Variants in ATP6V0C observed in about 807,000 individuals in gnomAD.
ATP6V0C encodes ATPase H+ transporting V0 subunit c.
A neutral mutation model predicts 10.6 loss-of-function variants in ATP6V0C; 2 were observed. The ratio of observed to expected loss-of-function variants is 0.19; its 90% confidence interval spans 0.08 to 0.59. The LOEUF is 0.59. Among genes scored for constraint, ATP6V0C ranks in the 20% least tolerant of loss-of-function variants. The probability of loss-of-function intolerance (pLI) is 0.90; values close to 1 mark genes in which losing one functional copy is unlikely to be tolerated. For synonymous variants in ATP6V0C, 128 were observed against 101.3 expected (o/e 1.26, Z -1.59); for missense variants, 89 against 225.9 (o/e 0.39, Z 3.88).
Position 2,514,084 on chromosome 16 carries a change from C to T in ATP6V0C, c.-20C>T, listed in dbSNP as rs11546343. On this transcript the variant is annotated 5_prime_UTR_variant, in exon 1 of 3. Transcript: ENST00000330398. ...CCACCGCCTCGGCCCGCAGAGCTTG[C>T]CCCCTCCCCACCCGCAGACATGTCC... 1 of 1,561,018 alleles carries T rather than the reference C, an allele frequency of 6.4e-7. No homozygotes were observed. The highest frequency in any genetic ancestry group is 8.7e-7 in the Non-Finnish European group (1 of 1,154,384).
chr16:2,516,332 C>T (rs116607590), intron 1 of ATP6V0C, among the ~76,000 whole-genome samples: 2 of 152,146 alleles, frequency 1.3e-5, no homozygotes, highest in African/African-American at 4.8e-5. Flanking sequence ...TGGTCTCAAA[C>T]TCCTTGTTGC....
intron 1 of ATP6V0C, among the ~76,000 whole-genome samples, chr16:2,514,872 G>A (rs1291989307): frequency 3.9e-5 from 6 of 152,196 alleles, no homozygotes; most frequent in Admixed American, 1.3e-4. Context: ...GAAGTGGAGG[G>A]AGCGGGGAGA....
intron 1 of ATP6V0C, among the ~76,000 whole-genome samples, chr16:2,514,700 C>T (rs1038227238): frequency 2.0e-5 from 3 of 152,106 alleles, no homozygotes; most frequent in Admixed American, 2.0e-4. Context: ...GCCCTTATGG[C>T]GGCCGGCCCC....
In ATP6V0C at chr16:2,520,183, G is replaced by T. The variant is rs1414745886; in HGVS notation, c.*438G>T. 4.8e-5 allele frequency: 25 copies of T among 520,812 alleles called. No homozygotes were observed. The highest frequency in any genetic ancestry group is 6.0e-5 in the Non-Finnish European group (17 of 282,654). 32.3% of individuals were successfully genotyped at this position (520,812 alleles called of 1,614,324 possible). A position where few individuals can be genotyped will look rare whatever the true frequency, so the allele number is the denominator to read the frequency against. On this transcript the variant is annotated 3_prime_UTR_variant, in exon 3 of 3. Coordinates refer to ENST00000330398, the MANE Select transcript of ATP6V0C (RefSeq NM_001694.4). ...CCCTCACCGCCGGGCCCGTGGCCCTGCGCGGAGCTGTGTCCAATAAAGTTC... is the reference window on the plus strand; with the variant it reads ...CCCTCACCGCCGGGCCCGTGGCCCTTCGCGGAGCTGTGTCCAATAAAGTTC...
chr16:2,516,328 C>G (rs574425549), intron 1 of ATP6V0C, among the ~76,000 whole-genome samples: 2 of 152,136 alleles, frequency 1.3e-5, no homozygotes, highest in South Asian at 4.1e-4. Context: ...AGGCTGGTCT[C>G]AAACTCCTTG....
In ATP6V0C at chr16:2,513,971, T is replaced by C. The variant is rs1191180444; in HGVS notation, c.-133T>C. Reference sequence around the variant, plus strand: ...CATTTTGTTCTGCGGTGCTGGTATTTAGAGCGCAGCGGCTGACGGGCCGGA... The same window carrying C: ...CATTTTGTTCTGCGGTGCTGGTATTCAGAGCGCAGCGGCTGACGGGCCGGA... On this transcript the variant is annotated 5_prime_UTR_variant, in exon 1 of 3. Transcript: ENST00000330398. 18 of 776,188 alleles carry C rather than the reference T, an allele frequency of 2.3e-5. No homozygotes were observed. Among genetic ancestry groups the C allele is most frequent in the Non-Finnish European group, 3.6e-5 (18 of 495,690 alleles). 48.1% of individuals were successfully genotyped at this position (776,188 alleles called of 1,614,324 possible). A position where few individuals can be genotyped will look rare whatever the true frequency, so the allele number is the denominator to read the frequency against.
intron 1 of ATP6V0C, among the ~76,000 whole-genome samples, chr16:2,515,754 A>G (rs1300600666): frequency 2.6e-5 from 4 of 152,122 alleles, no homozygotes; most frequent in East Asian, 3.9e-4. Context: ...CATCCAAACA[A>G]TCTTGATTGA....
At chr16:2,519,007 G>A (rs2065892898) in intron 1 of ATP6V0C, 2 of 546,056 alleles carry the variant, frequency 3.7e-6, no homozygotes, top group Non-Finnish European at 6.4e-6. Context: ...CTCACGTAGA[G>A]GAAGGAGGAG....
At chr16:2,514,204 A>T in intron 1 of ATP6V0C, 22 bp downstream of exon 1, 1 of 1,530,576 alleles carries the variant, frequency 6.5e-7, no homozygotes, top group Non-Finnish European at 8.8e-7. Context: ...GGCGGGAGGG[A>T]CTCGGGGGCG....
Position 2,513,993 on chromosome 16 carries a change from C to G in ATP6V0C, c.-111C>G. 1.0e-6 allele frequency: 1 copy of G among 957,962 alleles called. No homozygotes were observed. The highest frequency in any genetic ancestry group is 1.5e-6 in the Non-Finnish European group (1 of 652,890). The allele number at this position is 957,962 out of a possible 1,614,324, so 59.3% of individuals were successfully genotyped here. A position where few individuals can be genotyped will look rare whatever the true frequency, so the allele number is the denominator to read the frequency against. ...ATTTAGAGCGCAGCGGCTGACGGGC[C>G]GGATCGCCTTCGCCGCCGCCCGCCC... On this transcript the variant is annotated 5_prime_UTR_variant, in exon 1 of 3. Coordinates refer to ENST00000330398, the MANE Select transcript of ATP6V0C (RefSeq NM_001694.4).
rs780332694 is a variant in ATP6V0C, at chr16:2,519,747, C to A, written c.*2C>A. Reference sequence around the variant, plus strand: ...GCCCTCATCCTCTCCACAAAGTAGACCCTCTCCGAGCCCACCAGCCACAGA... The same window carrying A: ...GCCCTCATCCTCTCCACAAAGTAGAACCTCTCCGAGCCCACCAGCCACAGA... On this transcript the variant is annotated 3_prime_UTR_variant, in exon 3 of 3. Transcript: ENST00000330398. 25 of 1,594,806 alleles carry A rather than the reference C, an allele frequency of 1.6e-5. 1 individual carries two copies. The South Asian group carries it at 2.7e-4, about 17-fold the overall frequency.
At chr16:2,519,096 G>A in intron 1 of ATP6V0C, 122 bp from the exon 2 acceptor site, 3 of 1,197,834 alleles carry the variant, frequency 2.5e-6, no homozygotes, top group Non-Finnish European at 2.2e-6. Flanking sequence ...GCCTTCTTCG[G>A]CTCCCCCTCT....
At chr16:2,513,858 G>T, upstream of ATP6V0C, 1 of 368,990 alleles carries the variant, frequency 2.7e-6, no homozygotes, top group Non-Finnish European at 5.0e-6. Flanking sequence ...GGGCCGGCCG[G>T]GCGTCCCGGG....
rs1312541709 is a variant in ATP6V0C at position 2,520,019 on chromosome 16, C to G, written c.*274C>G. On this transcript the variant is annotated 3_prime_UTR_variant, in exon 3 of 3. Transcript: ENST00000330398. ...TGCGGATGATTTAGAATTGTCATTT[C>G]TCTTTACTGGATGTTTATTTATAAA... 1.5e-6 allele frequency: 1 copy of G among 680,370 alleles called. No homozygotes were observed. The highest frequency in any genetic ancestry group is 2.7e-6 in the Non-Finnish European group (1 of 373,424). 42.1% of individuals were successfully genotyped at this position (680,370 alleles called of 1,614,324 possible).
chr16:2,515,729 T>G (rs980893950), intron 1 of ATP6V0C, among the ~76,000 whole-genome samples: 11 of 152,306 alleles, frequency 7.2e-5, no homozygotes, highest in Middle Eastern at 3.4e-3. Flanking sequence ...TATTAGCTTG[T>G]GGCTGTCACT....
At chr16:2,518,981 C>G (rs1204730562) in intron 1 of ATP6V0C, 7 of 499,966 alleles carry the variant, frequency 1.4e-5, no homozygotes, top group African/African-American at 1.4e-4. Context: ...AAGAGCTGGA[C>G]TCTGAGGGTG....
intron 1 of ATP6V0C, 77 bp downstream of exon 1, chr16:2,514,259 G>A (rs1278189556): frequency 7.0e-7 from 1 of 1,429,954 alleles, no homozygotes; most frequent in Non-Finnish European, 9.4e-7. Flanking sequence ...GGGGTCCGGT[G>A]TGTGACGTCA....
chr16:2,519,903 T>G lies in ATP6V0C; in HGVS notation c.*158T>G. On this transcript the variant is annotated 3_prime_UTR_variant, in exon 3 of 3. Coordinates refer to ENST00000330398, the MANE Select transcript of ATP6V0C (RefSeq NM_001694.4). The stretch of plus-strand genomic sequence containing the variant: ...GTGCCCATCGTCTGTTTCCCCGGCC[T>G]TGCCCCCGCCCGCCCCGTGCCGTGG... 17 of 1,064,720 alleles carry G rather than the reference T, an allele frequency of 1.6e-5. No individual in the cohort carries two copies. The highest frequency in any genetic ancestry group is 2.2e-5 in the Non-Finnish European group (16 of 716,614). The allele number at this position is 1,064,720 out of a possible 1,614,324, so 66.0% of individuals were successfully genotyped here. A position where few individuals can be genotyped will look rare whatever the true frequency, so the allele number is the denominator to read the frequency against.
chr16:2,519,905 G>GCCCC lies in ATP6V0C; in HGVS notation c.*162_*165dup. On this transcript the variant is annotated 3_prime_UTR_variant, in exon 3 of 3. Coordinates refer to ENST00000330398, the MANE Select transcript of ATP6V0C (RefSeq NM_001694.4). ...GCCCATCGTCTGTTTCCCCGGCCTT[G>GCCCC]CCCCCGCCCGCCCCGTGCCGTGGAC... 6 of 1,016,256 alleles carry GCCCC rather than the reference G, an allele frequency of 5.9e-6. No homozygotes were observed. The highest frequency in any genetic ancestry group is 4.1e-5 in the South Asian group (3 of 72,632). 63.0% of individuals were successfully genotyped at this position (1,016,256 alleles called of 1,614,324 possible). A position where few individuals can be genotyped will look rare whatever the true frequency, so the allele number is the denominator to read the frequency against.
Sources: allele counts gnomAD v4.1 joint callset (sites outside exome capture counted in the v4.1 genomes callset), GRCh38; gene constraint gnomAD v4.1.1; transcripts MANE v1.5; gene names NCBI Gene and HGNC (gene_info 2026-07-23, HGNC 2026-07-21).